Variants in C6orf136 observed in about 807,000 individuals in gnomAD.
C6orf136 encodes the protein chromosome 6 open reading frame 136, also known as uncharacterized protein C6orf136.
C6orf136 carries 29 observed loss-of-function variants against 44.0 expected under a neutral mutation model. That is an observed-to-expected ratio of 0.66 (90% CI 0.49 to 0.90). The LOEUF is 0.90. Ranked by LOEUF, C6orf136 falls within the 40% of genes least tolerant of loss-of-function variation. The pLI, the probability that C6orf136 is intolerant of heterozygous loss-of-function variation, is 0.00. For synonymous variants in C6orf136, 293 were observed against 278.6 expected, an observed-to-expected ratio of 1.05 and a Z score of -0.52; for missense variants, 628 against 669.3, an observed-to-expected ratio of 0.94 and a Z score of 0.68.
intron 4 of C6orf136, 42 bp downstream of exon 4, chr6:30,651,508 CTTTTT>C (rs371661755): frequency 5.1e-5 from 70 of 1,359,670 alleles, no homozygotes; most frequent in Middle Eastern, 2.1e-4. Context: ...TAATCAGTTC[CTTTTT>C]TTTTTTTTTT....
At chr6:30,650,772 G>A (rs1767334324) in intron 2 of C6orf136, among the ~76,000 whole-genome samples, 1 of 148,120 alleles carries the variant, frequency 6.8e-6, no homozygotes, top group Non-Finnish European at 1.5e-5. Context: ...GACAGAGCTA[G>A]ACTCCATCTC....
In C6orf136 at chr6:30,647,388, G is replaced by T; in HGVS notation, c.157G>T (p.Gly53Cys). 6.7e-7 allele frequency: 1 copy of T among 1,487,446 alleles called. No homozygotes were observed. Among genetic ancestry groups the T allele is most frequent in the Non-Finnish European group, 8.9e-7 (1 of 1,119,028 alleles). The allele number at this position is 1,487,446 out of a possible 1,614,324, so 92.1% of individuals were successfully genotyped here. A position where few individuals can be genotyped will look rare whatever the true frequency, so the allele number is the denominator to read the frequency against. ...GGTGCGTGGGGCGGAGCGCGCGCTG[G>T]GTTCCGCGCAGGCGCAGAGACACCC... ...KPVRGAERAL[G>C]SAQAQRHPPP... Residue 53 changes from glycine to cysteine, a missense_variant, in exon 1 of 6, where the codon GGT (glycine) becomes TGT (cysteine). Around this residue, in one of 2 missense-constraint regions of C6orf136, gnomAD observed 497 missense variants for 469.2 expected, o/e 1.06. Transcript: ENST00000651131. The surrounding 1 kb of genome is among the most constrained non-coding windows in gnomAD (Gnocchi z 4.8).
At position 30,653,041 on chromosome 6, in the gene C6orf136, ATGCTGTGTAAAGC is replaced by A. The variant is rs1488232021; in HGVS notation, c.*137_*149del. On this transcript the variant is annotated 3_prime_UTR_variant, in exon 6 of 6. Transcript: ENST00000651131. ...TCTCTCCTTCCTTCCTTTCCATCTC[ATGCTGTGTAAAGC>A]TGCTGTGTAATTTAACTTGTAAATA... 26 of 1,097,626 alleles carry A rather than the reference ATGCTGTGTAAAGC, an allele frequency of 2.4e-5. No individual in the cohort carries two copies. The highest frequency in any genetic ancestry group is 4.0e-6 in the Non-Finnish European group (3 of 756,558). 68.0% of individuals were successfully genotyped at this position (1,097,626 alleles called of 1,614,324 possible). A position where few individuals can be genotyped will look rare whatever the true frequency, so the allele number is the denominator to read the frequency against.
At chr6:30,650,911 CAAAA>C (rs367794901) in intron 2 of C6orf136, 79 bp from the exon 3 acceptor site, 10 of 927,736 alleles carry the variant, frequency 1.1e-5, no homozygotes, top group African/African-American at 3.7e-5. Context: ...GACTCCGTCT[CAAAA>C]AAAAAAAAAA....
At chr6:30,652,590 G>A (rs1005914150) in intron 4 of C6orf136, 58 bp from the exon 5 acceptor site, 13 of 1,497,964 alleles carry the variant, frequency 8.7e-6, no homozygotes, top group Non-Finnish European at 1.1e-5. Context: ...ACAAATGCTT[G>A]AATTCAGCTT....
rs1454974068 is a variant in C6orf136 at position 30,647,450 on chromosome 6, C to T, written c.219C>T (p.Asp73=). ...CCACCTGTGCCCTGCAGCGCGTGGA[C>T]AGGCTAGGGGTCGCGGGAGCGGGAG... ...PLPTCALQRV[D]RLGVAGAGGR... is the part of the protein sequence containing the mutation. The change falls in exon 1 of 6, where the codon GAC becomes GAT. Residue 73 remains aspartate (D), a synonymous_variant. Coordinates refer to ENST00000651131, the MANE Select transcript of C6orf136 (RefSeq NM_001161376.2). The surrounding 1 kb of genome is among the most constrained non-coding windows in gnomAD (Gnocchi z 4.8). The T allele has an allele frequency of 3.4e-6, 5 of 1,471,930 alleles. No individual in the cohort carries two copies. In the South Asian group the frequency reaches 6.8e-5, roughly 20 times the overall value. 91.2% of individuals were successfully genotyped at this position (1,471,930 alleles called of 1,614,324 possible). A position where few individuals can be genotyped will look rare whatever the true frequency, so the allele number is the denominator to read the frequency against.
In C6orf136 at chr6:30,649,773, A is replaced by G. The variant is rs1450225024; in HGVS notation, c.831A>G (p.Gly277=). ...CAGGAAAGGGGGAGGAGGGACCAGGACCTGAGTTGCATAGCGGCTGCCTGG... is the reference window on the plus strand; with the variant it reads ...CAGGAAAGGGGGAGGAGGGACCAGGGCCTGAGTTGCATAGCGGCTGCCTGG... ...LPPGKGEEGP[G]PELHSGCLDG... is the part of the protein sequence containing the mutation. Residue 277 remains glycine, a synonymous_variant, in exon 2 of 6, where the codon GGA becomes GGG. Transcript: ENST00000651131. 6.2e-7 allele frequency: 1 copy of G among 1,613,824 alleles called. No homozygotes were observed. Among genetic ancestry groups the G allele is most frequent in the Non-Finnish European group, 8.5e-7 (1 of 1,179,978 alleles).
chr6:30,650,679 A>C (rs952876406), intron 2 of C6orf136, among the ~76,000 whole-genome samples: 42 of 152,106 alleles, frequency 2.8e-4, no homozygotes, highest in African/African-American at 1.0e-3. Flanking sequence ...GCTACTCGGG[A>C]GGCTGAGGCA....
chr6:30,647,629 G>A lies in C6orf136; in HGVS notation c.398G>A (p.Arg133Gln), dbSNP rs1256366187. 1.3e-6 allele frequency: 2 copies of A among 1,549,808 alleles called. No homozygotes were observed. Among genetic ancestry groups the A allele is most frequent in the East Asian group, 4.9e-5 (2 of 40,910 alleles). ...AGAGGTGATTTGAAGGGCAGGGGCCGAGAGATTCGTAGCCCTGCTGCGGCG... is the reference window on the plus strand; with the variant it reads ...AGAGGTGATTTGAAGGGCAGGGGCCAAGAGATTCGTAGCCCTGCTGCGGCG... ...VPRGDLKGRG[R>Q]EIRSPAAAPS... is the part of the protein sequence containing the mutation. The change falls in exon 1 of 6, where the codon CGA (arginine) becomes CAA (glutamine). Residue 133 changes from arginine (R) to glutamine (Q), a missense_variant. Coordinates refer to ENST00000651131, the MANE Select transcript of C6orf136 (RefSeq NM_001161376.2). The surrounding 1 kb of genome is among the most constrained non-coding windows in gnomAD (Gnocchi z 4.8).
At position 30,647,730 on chromosome 6, in the gene C6orf136, CG is replaced by C; in HGVS notation, c.501del (p.Ser168ProfsTer169). The C allele has an allele frequency of 2.6e-6, 4 of 1,549,818 alleles. No individual in the cohort carries two copies. The highest frequency in any genetic ancestry group is 3.5e-6 in the Non-Finnish European group (4 of 1,146,710). ...QQPARLALGE[R>X]SWQEGRPVCT... ...GCCCGCCCGTCTTGCACTCGGAGAG[CG>C]GTCCTGGCAGGAAGGCCGGCCAGTG... On this transcript the variant is annotated frameshift_variant, in exon 1 of 6. Transcript: ENST00000651131. LOFTEE classifies it high-confidence loss of function. The surrounding 1 kb of genome is among the most constrained non-coding windows in gnomAD (Gnocchi z 4.8).
chr6:30,651,138 A>G, intron 3 of C6orf136, 56 bp downstream of exon 3: 1 of 1,562,230 alleles, frequency 6.4e-7, no homozygotes, highest in Non-Finnish European at 8.8e-7. Flanking sequence ...AAAGGTATAT[A>G]CATGACCCTT....
Position 30,647,878 on chromosome 6 carries a change from G to A in C6orf136, c.615+32G>A. 6.9e-7 allele frequency: 1 copy of A among 1,454,486 alleles called. No individual in the cohort carries two copies. The allele number at this position is 1,454,486 out of a possible 1,614,324, so 90.1% of individuals were successfully genotyped here. On this transcript the variant is annotated intron_variant, in intron 1 of 5. Transcript: ENST00000651131. The surrounding 1 kb of genome is among the most constrained non-coding windows in gnomAD (Gnocchi z 4.8). ...GAGCGGTCCGCCCGCCTTCCCTGCA[G>A]TGAGACGATCCCCTGGGGGGTTCCT...
chr6:30,647,200 T>C lies in C6orf136; in HGVS notation c.-32T>C. On this transcript the variant is annotated 5_prime_UTR_variant, in exon 1 of 6. Transcript: ENST00000651131. The surrounding 1 kb of genome is among the most constrained non-coding windows in gnomAD (Gnocchi z 4.8). ...CCTGTGAGGAGGCCGGAGGTCGGAC[T>C]CAGGAGGCTCCTTCTCCACTCCCGG... 1 of 1,537,252 alleles carries C rather than the reference T, an allele frequency of 6.5e-7. No homozygotes were observed. Among genetic ancestry groups the C allele is most frequent in the Non-Finnish European group, 8.7e-7 (1 of 1,149,676 alleles).
At position 30,653,199 on chromosome 6, in the gene C6orf136, G is replaced by T. The variant is rs1127955; in HGVS notation, c.*284G>T. On this transcript the variant is annotated 3_prime_UTR_variant, in exon 6 of 6. Coordinates refer to ENST00000651131, the MANE Select transcript of C6orf136 (RefSeq NM_001161376.2). ...TTTAATAGGTATTAAATAATGTATA[G>T]AAGGAAAAGGAGCTGGTGTCAGGTT... The T allele has an allele frequency of 6.3e-6, 10 of 1,589,014 alleles. No individual in the cohort carries two copies. The African/African-American group carries it at 1.2e-4, about 20-fold the overall frequency.
At chr6:30,652,268 C>T (rs1028250217) in intron 4 of C6orf136, among the ~76,000 whole-genome samples, 3 of 150,132 alleles carry the variant, frequency 2.0e-5, no homozygotes, top group Admixed American at 1.3e-4. Context: ...CACACACACA[C>T]ACACACACAC....
In C6orf136 at chr6:30,647,928, GCCTAACTTTGGGTGACCT is replaced by G. The variant is rs1767025931; in HGVS notation, c.615+85_615+102del. ...TTGGGAGCGGAGGGACTCGGGTGAG[GCCTAACTTTGGGTGACCT>G]CCCCTTGCAGTTTCAACGTCGGTAA... On this transcript the variant is annotated intron_variant, in intron 1 of 5. Coordinates refer to ENST00000651131, the MANE Select transcript of C6orf136 (RefSeq NM_001161376.2). This position sits in a 1 kb window ranked among gnomAD's most constrained non-coding sequence, Gnocchi z 4.8. The G allele has an allele frequency of 3.5e-6, 5 of 1,418,812 alleles. No homozygotes were observed. Among genetic ancestry groups the G allele is most frequent in the Non-Finnish European group, 4.6e-6 (5 of 1,091,028 alleles). The allele number at this position is 1,418,812 out of a possible 1,614,324, so 87.9% of individuals were successfully genotyped here. A position where few individuals can be genotyped will look rare whatever the true frequency, so the allele number is the denominator to read the frequency against.
rs1298210857 is a variant in C6orf136 at position 30,650,990 on chromosome 6, C to T, written c.1018-4C>T. On this transcript the variant is annotated splice_region_variant and splice_polypyrimidine_tract_variant and intron_variant, in intron 2 of 5. Coordinates refer to ENST00000651131, the MANE Select transcript of C6orf136 (RefSeq NM_001161376.2). ...CTGGGTTGATGCCATCTTCTTCCAC[C>T]TAGCTTCCCAAGCTCTTCCTTCAGT... 6.2e-7 allele frequency: 1 copy of T among 1,609,154 alleles called. No homozygotes were observed. The highest frequency in any genetic ancestry group is 8.5e-7 in the Non-Finnish European group (1 of 1,175,740).
chr6:30,651,071 C>T lies in C6orf136; in HGVS notation c.1095C>T (p.Asn365=), dbSNP rs1411856050. The change falls in exon 3 of 6, where the codon AAC becomes AAT. Residue 365 remains asparagine (N), a synonymous_variant. Coordinates refer to ENST00000651131, the MANE Select transcript of C6orf136 (RefSeq NM_001161376.2). ...TGGAATTCATCAATGAGATCCTCAA[C>T]ATACGTACCAAGTGAGAATTGGGGC... is the stretch of plus-strand genomic sequence containing the variant. ...LDVEFINEIL[N]IRTKGRTWYI... The T allele has an allele frequency of 1.9e-6, 3 of 1,613,562 alleles. No homozygotes were observed. The East Asian group carries it at 6.7e-5, about 36-fold the overall frequency.
chr6:30,651,905 T>C (rs978089215), intron 4 of C6orf136, among the ~76,000 whole-genome samples: 1 of 152,134 alleles, frequency 6.6e-6, no homozygotes, highest in East Asian at 1.9e-4. Context: ...GAAAAACCTC[T>C]GAGCTTCAGT....
Sources: gnomAD v4.1 joint callset for allele counts (sites outside exome capture counted in the v4.1 genomes callset) on GRCh38, gnomAD v4.1.1 for gene constraint, gnomAD v4.1.1 regional missense constraint, Gnocchi (gnomAD v3.1) non-coding constraint, MANE v1.5 for transcripts, NCBI Gene and HGNC (gene_info 2026-07-23, HGNC 2026-07-21) for gene names.